Variants in VWA2 observed in about 807,000 individuals in gnomAD.
The protein encoded by VWA2 is von Willebrand factor A domain containing 2.
Under a neutral mutation model 70.4 loss-of-function variants are expected in VWA2, and 73 were observed. The ratio of observed to expected loss-of-function variants is 1.04; its 90% confidence interval spans 0.86 to 1.26. VWA2 has a LOEUF of 1.26. Among genes scored for constraint, VWA2 ranks in the 50% most tolerant of loss-of-function variants. The pLI, the probability that VWA2 is intolerant of heterozygous loss-of-function variation, is 0.00. For missense variants in VWA2, 1,011 were observed against 998.5 expected, an observed-to-expected ratio of 1.01 and a Z score of -0.17; for synonymous variants, 407 against 423.3, an observed-to-expected ratio of 0.96 and a Z score of 0.47.
intron 11 of VWA2, among the ~76,000 whole-genome samples, chr10:114,287,276 G>A (rs1416757799): frequency 6.6e-6 from 1 of 152,124 alleles, no homozygotes; most frequent in South Asian, 2.1e-4. Flanking sequence ...GAACTCCTGG[G>A]CTCACGTGAT....
chr10:114,244,156 C>T (rs542620842), intron 1 of VWA2, among the ~76,000 whole-genome samples: 18 of 152,284 alleles, frequency 1.2e-4, no homozygotes, highest in East Asian at 5.8e-4. Context: ...CATCTTGTGC[C>T]GGATGGAGTG....
chr10:114,289,700 CT>C, intron 12 of VWA2: 4 of 603,456 alleles, frequency 6.6e-6, no homozygotes, highest in Non-Finnish European at 1.2e-5. Flanking sequence ...GAAAGTTTAA[CT>C]AACATAGATA....
chr10:114,286,179 T>A lies in VWA2; in HGVS notation c.1238T>A (p.Ile413Asn), dbSNP rs1268313695. ...GACCTGGTCTGGAGCCTCGATGGCA[T>A]TCCCTTCCGTGGTGGCCCCACCCTG... ...VPDLVWSLDG[I>N]PFRGGPTLTG... Residue 413 changes from isoleucine to asparagine, a missense_variant, in exon 11 of 14, where the codon ATT (isoleucine) becomes AAT (asparagine). By Grantham distance (149) the Ile-to-Asn change is moderately radical. Transcript: ENST00000392982. 6.2e-7 allele frequency: 1 copy of A among 1,613,906 alleles called. No individual in the cohort carries two copies. The highest frequency in any genetic ancestry group is 8.5e-7 in the Non-Finnish European group (1 of 1,180,000).
Position 114,253,635 on chromosome 10 carries a change from G to T in VWA2, c.53-16G>T. ...CTCAGCATTTTAATGGCTGCTTCTG[G>T]TGTTTTCTCTCCTAGTGCCCCCATC... On this transcript the variant is annotated splice_polypyrimidine_tract_variant and intron_variant, in intron 2 of 13. Coordinates refer to ENST00000392982, the MANE Select transcript of VWA2 (RefSeq NM_001272046.2). 1.2e-6 allele frequency: 2 copies of T among 1,610,124 alleles called. No individual in the cohort carries two copies. The highest frequency in any genetic ancestry group is 2.2e-5 in the South Asian group (2 of 90,770).
chr10:114,255,085 T>G, intron 4 of VWA2, 37 bp downstream of exon 4: 1 of 1,605,890 alleles, frequency 6.2e-7, no homozygotes, highest in Non-Finnish European at 8.5e-7. Context: ...TGTTAGGGCG[T>G]CTTCTGTGAT....
chr10:114,256,498 A>G (rs531535428), intron 4 of VWA2, among the ~76,000 whole-genome samples: 1 of 152,314 alleles, frequency 6.6e-6, no homozygotes, highest in African/African-American at 2.4e-5. Context: ...AGTGGTTTTC[A>G]TTAAGGGGGA....
rs572780332 is a variant in VWA2, at chr10:114,261,392, G to T, written c.371+97G>T. ...TGGTCCTGCTCTGGGCTCACAGAGA[G>T]GACTGTGGGCTGCTTTCAGGAGTCC... On this transcript the variant is annotated intron_variant, in intron 5 of 13. Coordinates refer to ENST00000392982, the MANE Select transcript of VWA2 (RefSeq NM_001272046.2). 8 of 953,496 alleles carry T rather than the reference G, an allele frequency of 8.4e-6. No individual in the cohort carries two copies. The African/African-American group carries it at 1.3e-4, about 15-fold the overall frequency. The allele number at this position is 953,496 out of a possible 1,614,324, so 59.1% of individuals were successfully genotyped here.
chr10:114,280,114 A>T (rs963475167), intron 8 of VWA2, among the ~76,000 whole-genome samples: 4 of 152,224 alleles, frequency 2.6e-5, no homozygotes, highest in African/African-American at 9.7e-5. Context: ...GATAATAATC[A>T]TACCTGCCCT....
chr10:114,267,592 T>A (rs2037599579), intron 5 of VWA2, among the ~76,000 whole-genome samples: 1 of 146,092 alleles, frequency 6.8e-6, no homozygotes, highest in Non-Finnish European at 1.5e-5. Flanking sequence ...CCACCACACC[T>A]GGCTAATTTT....
chr10:114,291,933 G>A lies in VWA2; in HGVS notation c.*696G>A, dbSNP rs190775538. Among the ~76,000 whole-genome samples, 10 of 152,266 alleles carry A rather than the reference G, an allele frequency of 6.6e-5. No individual in the cohort carries two copies. Among genetic ancestry groups the A allele is most frequent in the East Asian group, 1.9e-4 (1 of 5,180 alleles). ...ATGGGCCCAGGTCTGGAGGGGCCACGTAAAATCGTTCTGAGTCGTGAGCAG... is the reference window on the plus strand; with the variant it reads ...ATGGGCCCAGGTCTGGAGGGGCCACATAAAATCGTTCTGAGTCGTGAGCAG... On this transcript the variant is annotated 3_prime_UTR_variant, in exon 14 of 14. Coordinates refer to ENST00000392982, the MANE Select transcript of VWA2 (RefSeq NM_001272046.2).
chr10:114,285,866 G>A (rs761681827), intron 10 of VWA2, 73 bp from the exon 11 acceptor site: 27 of 1,424,250 alleles, frequency 1.9e-5, no homozygotes, highest in Non-Finnish European at 2.0e-5. Context: ...GGAGATGTTC[G>A]GCATCTCGGG....
intron 4 of VWA2, among the ~76,000 whole-genome samples, chr10:114,255,530 C>G (rs780358165): frequency 6.6e-6 from 1 of 152,142 alleles, no homozygotes; most frequent in African/African-American, 2.4e-5. Flanking sequence ...TTTGACTTTC[C>G]TCTGGAAAGA....
rs375151721 is a variant in VWA2 at position 114,293,475 on chromosome 10, G to A, written c.*2238G>A. ...TTTCTTTGTAGGAAATGGGTTTCTC[G>A]CCTTTGAAACATTTTTTCCCCTTTT... is the stretch of plus-strand genomic sequence containing the variant. On this transcript the variant is annotated 3_prime_UTR_variant, in exon 14 of 14. Coordinates refer to ENST00000392982, the MANE Select transcript of VWA2 (RefSeq NM_001272046.2). Among the ~76,000 whole-genome samples the A allele has an allele frequency of 9.9e-5, 15 of 152,220 alleles. No homozygotes were observed. In the East Asian group the frequency reaches 1.3e-3, roughly 14 times the overall value.
Position 114,290,471 on chromosome 10 carries a change from G to A in VWA2, c.2248+106G>A, listed in dbSNP as rs997747559. ...GCAGGTTCTAAAACATTCGTTCAGT[G>A]GAAGAAATTATTCAGTCGTTTACCC... On this transcript the variant is annotated intron_variant, in intron 13 of 13. Coordinates refer to ENST00000392982, the MANE Select transcript of VWA2 (RefSeq NM_001272046.2). The A allele has an allele frequency of 3.4e-6, 5 of 1,458,866 alleles. No individual in the cohort carries two copies. The African/African-American group carries it at 5.6e-5, about 16-fold the overall frequency. The allele number at this position is 1,458,866 out of a possible 1,614,324, so 90.4% of individuals were successfully genotyped here.
intron 5 of VWA2, among the ~76,000 whole-genome samples, chr10:114,269,742 C>T (rs994285165): frequency 1.3e-5 from 2 of 152,178 alleles, no homozygotes; most frequent in African/African-American, 2.4e-5. Context: ...ACTCCTGAAG[C>T]TGTGAGCCTG....
At chr10:114,240,553 C>T (rs570996974) in intron 1 of VWA2, among the ~76,000 whole-genome samples, 4 of 152,290 alleles carry the variant, frequency 2.6e-5, no homozygotes, top group Admixed American at 2.0e-4. Flanking sequence ...AAGTAAAACC[C>T]CAGAACCTCT....
chr10:114,277,410 C>T (rs1416196286), intron 6 of VWA2, among the ~76,000 whole-genome samples: 9 of 152,002 alleles, frequency 5.9e-5, no homozygotes, highest in Non-Finnish European at 1.2e-4. Context: ...TCCCAAACTC[C>T]TGACCTCAAG....
At chr10:114,268,342 G>A (rs2037619643) in intron 5 of VWA2, among the ~76,000 whole-genome samples, 1 of 149,022 alleles carries the variant, frequency 6.7e-6, no homozygotes, top group African/African-American at 2.5e-5. Flanking sequence ...CAATTTGAGA[G>A]AAATTAGAAA....
At position 114,278,054 on chromosome 10, in the gene VWA2, T is replaced by A. The variant is rs766828773; in HGVS notation, c.700+7T>A. 1 of 1,607,364 alleles carries A rather than the reference T, an allele frequency of 6.2e-7. No individual in the cohort carries two copies. Among genetic ancestry groups the A allele is most frequent in the Non-Finnish European group, 8.5e-7 (1 of 1,175,004 alleles). On this transcript the variant is annotated splice_region_variant and intron_variant, in intron 7 of 13. Transcript: ENST00000392982. ...TGCTCCAGCGCCACGCCAGGTAAGA[T>A]CTTCCAGCCTGGAGGGAGTGGAAGT...
Sources: allele counts gnomAD v4.1 joint callset (sites outside exome capture counted in the v4.1 genomes callset), GRCh38; gene constraint gnomAD v4.1.1; transcripts MANE v1.5; gene names NCBI Gene and HGNC (gene_info 2026-07-23, HGNC 2026-07-21).